GFPT2: variants seen among roughly 807,000 people sequenced by gnomAD.
The protein encoded by GFPT2 is glutamine--fructose-6-phosphate aminotransferase [isomerizing] 2.
A neutral mutation model predicts 85.6 loss-of-function variants in GFPT2; 62 were observed. The ratio of observed to expected loss-of-function variants is 0.72; its 90% CI spans 0.59 to 0.90. GFPT2 has a LOEUF of 0.90. Among genes scored for constraint, GFPT2 ranks in the 40% least tolerant of loss-of-function variants. The probability of loss-of-function intolerance (pLI) is 0.00; values close to 1 mark genes in which losing one functional copy is unlikely to be tolerated. For synonymous variants in GFPT2, 368 were observed against 344.5 expected, an observed-to-expected ratio of 1.07 and a Z score of -0.75; for missense variants, 788 against 893.4, an observed-to-expected ratio of 0.88 and a Z score of 1.50.
intron 1 of GFPT2, among the ~76,000 whole-genome samples, chr5:180,340,515 T>TTG (rs1486368025): frequency 1.4e-5 from 2 of 145,690 alleles, no homozygotes; most frequent in African/African-American, 5.1e-5. Flanking sequence ...CTGCAGGTTT[T>TTG]TTTTTTTTTT....
intron 12 of GFPT2, 34 bp downstream of exon 12, chr5:180,316,730 C>G (rs6893693): frequency 8.2e-6 from 12 of 1,458,496 alleles, no homozygotes; most frequent in Non-Finnish European, 1.1e-5. Flanking sequence ...CCTAGACTGC[C>G]GTCGACTTCC....
At chr5:180,313,989 G>C (rs1368711954) in intron 13 of GFPT2, 25 bp from the exon 14 acceptor site, 10 of 1,568,622 alleles carry the variant, frequency 6.4e-6, no homozygotes, top group Non-Finnish European at 8.6e-6. Flanking sequence ...CCCTCTCAGT[G>C]CCGCGCTCCG....
intron 16 of GFPT2, among the ~76,000 whole-genome samples, chr5:180,306,141 C>G (rs568669419): frequency 6.6e-6 from 1 of 152,022 alleles, no homozygotes; most frequent in East Asian, 1.9e-4. Flanking sequence ...TGCACCACCA[C>G]GCCCAGCTAG....
chr5:180,346,715 C>A (rs1406355443), intron 1 of GFPT2, among the ~76,000 whole-genome samples: 1 of 152,210 alleles, frequency 6.6e-6, no homozygotes, highest in Non-Finnish European at 1.5e-5. Flanking sequence ...TTCTCCAACC[C>A]CCTACCCCAG....
chr5:180,310,832 CAAAAAAAAAAAAAAA>C (rs3080055), intron 15 of GFPT2, among the ~76,000 whole-genome samples: 14 of 50,586 alleles, frequency 2.8e-4, no homozygotes, highest in African/African-American at 6.0e-4. Flanking sequence ...TGGACACAGG[CAAAAAAAAAAAAAAA>C]AAAAAAAAAA....
rs757006457 is a variant in GFPT2, at chr5:180,318,754, T to C, written c.958+39A>G. On this transcript the variant is annotated intron_variant, in intron 10 of 18. Transcript: ENST00000253778. The surrounding 1 kb of genome is among the most constrained non-coding windows in gnomAD (Gnocchi z 4.2). Reference sequence around the variant, plus strand: ...CAGGAGCTCCACCAGGCGCGCTGGCTCCCGAGGCTGCCGCACGTGGACTCT... The same window carrying C: ...CAGGAGCTCCACCAGGCGCGCTGGCCCCCGAGGCTGCCGCACGTGGACTCT... 3 of 1,588,284 alleles carry C rather than the reference T, an allele frequency of 1.9e-6. No individual in the cohort carries two copies. The highest frequency in any genetic ancestry group is 3.3e-5 in the Admixed American group (2 of 59,710).
intron 1 of GFPT2, among the ~76,000 whole-genome samples, chr5:180,338,981 G>A (rs1025362393): frequency 1.6e-4 from 25 of 152,200 alleles, no homozygotes; most frequent in African/African-American, 6.0e-4. Flanking sequence ...ACACATCTAG[G>A]AGTGCCATAG....
intron 1 of GFPT2, 148 bp downstream of exon 1, chr5:180,353,063 A>G: frequency 1.6e-6 from 1 of 609,064 alleles, no homozygotes; most frequent in Non-Finnish European, 2.4e-6. Flanking sequence ...GGCCCGGCCG[A>G]CGACAGCCCC....
intron 16 of GFPT2, 80 bp downstream of exon 16, chr5:180,307,096 C>T: frequency 1.6e-6 from 2 of 1,250,648 alleles, no homozygotes; most frequent in South Asian, 1.4e-5. Context: ...AGCCCAACGC[C>T]CTGCCCTCCT....
At chr5:180,344,043 C>T (rs1764565972) in intron 1 of GFPT2, among the ~76,000 whole-genome samples, 1 of 152,230 alleles carries the variant, frequency 6.6e-6, no homozygotes, top group Non-Finnish European at 1.5e-5. Flanking sequence ...AGTCTGATGT[C>T]TGGCAAGCGA....
rs1764244673 is a variant in GFPT2, at chr5:180,328,109, A to G, written c.596+168T>C. Among the ~76,000 whole-genome samples the G allele has an allele frequency of 6.6e-6, 1 of 151,208 alleles. No homozygotes were observed. Among genetic ancestry groups the G allele is most frequent in the Non-Finnish European group, 1.5e-5 (1 of 67,872 alleles). ...TTTAATTCAGAAGTGTAGCACCACC[A>G]GCCATGGAGATGGTGGGGCGCGGTC... On this transcript the variant is annotated intron_variant, in intron 7 of 18. Coordinates refer to ENST00000253778, the MANE Select transcript of GFPT2 (RefSeq NM_005110.4). This position sits in a 1 kb window ranked among gnomAD's most constrained non-coding sequence, Gnocchi z 5.4.
At chr5:180,312,171 CA>C (rs1351930553) in intron 15 of GFPT2, among the ~76,000 whole-genome samples, 17,978 of 94,716 alleles carry the variant, frequency 0.19, 4,800 homozygotes, top group East Asian at 0.31. Context: ...ACCAGGGAGG[CA>C]GGGAGGCTGA....
intron 12 of GFPT2, 54 bp from the exon 13 acceptor site, chr5:180,316,515 A>C: frequency 6.2e-7 from 1 of 1,604,148 alleles, no homozygotes. Flanking sequence ...CACGACAGGG[A>C]CATGGGGCAG....
intron 12 of GFPT2, 75 bp downstream of exon 12, chr5:180,316,689 T>C (rs759985876): frequency 1.7e-4 from 184 of 1,089,230 alleles, no homozygotes; most frequent in Non-Finnish European, 2.2e-4. Flanking sequence ...GAAGGCCACA[T>C]GAGTGATAAA....
At chr5:180,310,275 G>A (rs529629094) in intron 15 of GFPT2, among the ~76,000 whole-genome samples, 1 of 151,544 alleles carries the variant, frequency 6.6e-6, no homozygotes, top group African/African-American at 2.4e-5. Context: ...GCTAATTTTT[G>A]TATTTTTAGT....
chr5:180,333,382 C>A (rs1310682605), intron 4 of GFPT2, among the ~76,000 whole-genome samples: 1 of 152,092 alleles, frequency 6.6e-6, no homozygotes, highest in African/African-American at 2.4e-5. Flanking sequence ...CCACAGGCAC[C>A]CGCCACCATG....
In GFPT2 at chr5:180,318,862, G is replaced by A. The variant is rs770288148; in HGVS notation, c.889C>T (p.Arg297Cys). 1.1e-5 allele frequency: 18 copies of A among 1,613,812 alleles called. No individual in the cohort carries two copies. The highest frequency in any genetic ancestry group is 2.2e-5 in the East Asian group (1 of 44,902). Residue 297 changes from arginine (R) to cysteine (C), a missense_variant, in exon 10 of 19, where the codon CGC becomes TGC. Arg to Cys is a radical substitution (Grantham distance 180). Coordinates refer to ENST00000253778, the MANE Select transcript of GFPT2 (RefSeq NM_005110.4). The surrounding 1 kb of genome is among the most constrained non-coding windows in gnomAD (Gnocchi z 4.2). The part of the protein sequence containing the change: ...DGKLSIHRVK[R>C]SASDDPSRAI... ...CGAGATGGGTCATCACTGGCCGAGC[G>A]CTTGACCCGGTGAATGGAGAGTTTC...
In GFPT2 at chr5:180,335,850, A is replaced by T. The variant is rs1372148407; in HGVS notation, c.318T>A (p.Pro106=). The change falls in exon 4 of 19, where the codon CCT becomes CCA. Residue 106 remains proline, a synonymous_variant. Transcript: ENST00000253778. ...TACCGTTGCCTTTGTCTGAGCGCTG[A>T]GGGTGGCTGTTGACAGCACTGGGGA... is the stretch of plus-strand genomic sequence containing the variant. The part of the protein sequence containing the change: ...HGVPSAVNSH[P]QRSDKGNEFV... The T allele has an allele frequency of 2.5e-6, 4 of 1,597,902 alleles. No homozygotes were observed. The highest frequency in any genetic ancestry group is 3.4e-6 in the Non-Finnish European group (4 of 1,174,450).
chr5:180,353,057 C>T (rs1372424199), intron 1 of GFPT2, among the ~76,000 whole-genome samples, 154 bp downstream of exon 1: 4 of 152,070 alleles, frequency 2.6e-5, no homozygotes, highest in African/African-American at 9.7e-5. Context: ...CAGCCAGGCC[C>T]GGCCGACGAC....
Sources: gnomAD v4.1 joint callset for allele counts (sites outside exome capture counted in the v4.1 genomes callset) on GRCh38, gnomAD v4.1.1 for gene constraint, Gnocchi (gnomAD v3.1) non-coding constraint, MANE v1.5 for transcripts, NCBI Gene and HGNC (gene_info 2026-07-23, HGNC 2026-07-21) for gene names.